JMJD7: variants seen among roughly 807,000 people sequenced by gnomAD.
The protein encoded by JMJD7 is jumonji domain containing 7, also known as bifunctional peptidase and (3S)-lysyl hydroxylase JMJD7.
In JMJD7, 41 loss-of-function variants were observed where a neutral mutation model predicts 41.1. That is an observed-to-expected ratio of 1.00 (90% CI 0.78 to 1.30). The LOEUF is 1.30. Ranked by LOEUF, JMJD7 falls within the 50% of genes most tolerant of loss-of-function variation. The probability of loss-of-function intolerance (pLI) is 0.00; values close to 1 mark genes in which losing one functional copy is unlikely to be tolerated. For missense variants in JMJD7, 480 were observed against 420.7 expected (o/e 1.14, Z -1.23); for synonymous variants, 202 against 177.2 (o/e 1.14, Z -1.11).
In JMJD7 at chr15:41,835,160, A is replaced by G; in HGVS notation, c.409A>G (p.Ser137Gly). The G allele has an allele frequency of 6.2e-7, 1 of 1,605,514 alleles. No homozygotes were observed. Among genetic ancestry groups the G allele is most frequent in the Non-Finnish European group, 8.5e-7 (1 of 1,179,960 alleles). Residue 137 changes from serine (S) to glycine (G), a missense_variant, in exon 3 of 8, where the codon AGC (serine) becomes GGC (glycine). Ser to Gly is a moderately conservative substitution (Grantham distance 56, BLOSUM62 0). Transcript: ENST00000397299. ...YVQKQCSNLP[S>G]ELPQLLPDLE... is the part of the protein sequence containing the mutation. ...GCAGAAGCAGTGCTCCAACCTGCCC[A>G]GCGAGCTGCCCCAGCTGCTGCCTGA...
chr15:41,829,154 G>A (rs1402832653), intron 1 of JMJD7: 5 of 152,254 alleles, frequency 3.3e-5, no homozygotes. Context: ...AACCACAGGT[G>A]TACTGAATGA....
In JMJD7 at chr15:41,835,106, C is replaced by T. The variant is rs756440690; in HGVS notation, c.355C>T (p.Arg119Trp). The T allele has an allele frequency of 6.2e-6, 10 of 1,612,740 alleles. No individual in the cohort carries two copies. The highest frequency in any genetic ancestry group is 1.6e-4 in the Middle Eastern group (1 of 6,080). Residue 119 changes from arginine (R) to tryptophan (W), a missense_variant, in exon 3 of 8, where the codon CGG becomes TGG. Physicochemically the swap from Arg to Trp is moderately radical, Grantham distance 101 (BLOSUM62 -3). Coordinates refer to ENST00000397299, the MANE Select transcript of JMJD7 (RefSeq NM_001114632.2). ...LSFVLDVLEG[R>W]AQHPGVLYVQ... ...CTTCGTGCTGGATGTGCTGGAGGGC[C>T]GGGCCCAGCACCCTGGAGTCCTCTA...
At chr15:41,829,199 T>C (rs1191778491) in intron 1 of JMJD7, 1 of 152,196 alleles carries the variant, frequency 6.6e-6, no homozygotes, top group East Asian at 1.9e-4. Flanking sequence ...GGTTAGAAGG[T>C]AAGTGCAGGC....
In JMJD7 at chr15:41,837,433, G is replaced by A. The variant is rs995421143; in HGVS notation, c.*277G>A. 2.2e-5 allele frequency: 11 copies of A among 502,850 alleles called. No individual in the cohort carries two copies. Among genetic ancestry groups the A allele is most frequent in the Admixed American group, 3.7e-5 (1 of 26,718 alleles). 31.1% of individuals were successfully genotyped at this position (502,850 alleles called of 1,614,324 possible). A position where few individuals can be genotyped will look rare whatever the true frequency, so the allele number is the denominator to read the frequency against. ...TCTCCCCAGCGCTGTGATGTTGGGC[G>A]AGTCACTGCGTCTCGGGCATTGGTG... On this transcript the variant is annotated 3_prime_UTR_variant, in exon 8 of 8. Coordinates refer to ENST00000397299, the MANE Select transcript of JMJD7 (RefSeq NM_001114632.2).
chr15:41,835,374 C>T (rs117950630), intron 3 of JMJD7, 151 bp downstream of exon 3: 2 of 1,354,242 alleles, frequency 1.5e-6, no homozygotes. Flanking sequence ...CAGGCCTTGA[C>T]TTAATCATAG....
intron 1 of JMJD7, among the ~76,000 whole-genome samples, chr15:41,834,141 C>T (rs1364461777): frequency 1.3e-5 from 2 of 152,208 alleles, no homozygotes; most frequent in Non-Finnish European, 2.9e-5. Flanking sequence ...CAAACCATAG[C>T]CGAGCCCTTC....
intron 1 of JMJD7, among the ~76,000 whole-genome samples, chr15:41,833,619 C>T (rs899719275): frequency 1.3e-5 from 2 of 151,194 alleles, no homozygotes; most frequent in Admixed American, 1.3e-4. Flanking sequence ...TGGGGTCTCC[C>T]TACGTTGCCA....
At position 41,837,124 on chromosome 15, in the gene JMJD7, G is replaced by T; in HGVS notation, c.919G>T (p.Asp307Tyr). Reference sequence around the variant, plus strand: ...CAAGTATAGTTACTTCCAGCTGCTCGACTCCCTCACCAAGGCTTCAGGCCT... The same window carrying T: ...CAAGTATAGTTACTTCCAGCTGCTCTACTCCCTCACCAAGGCTTCAGGCCT... ...DLKYSYFQLL[D>Y]SLTKASGLD Residue 307 changes from aspartate to tyrosine, a missense_variant, in exon 8 of 8, where the codon GAC (aspartate) becomes TAC (tyrosine). Physicochemically the swap from Asp to Tyr is radical, Grantham distance 160. Coordinates refer to ENST00000397299, the MANE Select transcript of JMJD7 (RefSeq NM_001114632.2). The T allele has an allele frequency of 1.2e-6, 2 of 1,613,190 alleles. No individual in the cohort carries two copies. The highest frequency in any genetic ancestry group is 1.7e-6 in the Non-Finnish European group (2 of 1,179,524).
rs933067560 is a variant in JMJD7 at position 41,836,537 on chromosome 15, G to A, written c.688G>A (p.Glu230Lys). ...EEGTFKVVDEEAMEKVPWIPL... is the reference protein window; with the variant it reads ...EEGTFKVVDEKAMEKVPWIPL... ...GGGCACCTTTAAGGTGGTGGATGAA[G>A]AGGCCATGGAGAAGGTGTCTGTCCT... Residue 230 changes from glutamate to lysine, a missense_variant, in exon 6 of 8, where the codon GAG (glutamate) becomes AAG (lysine). Coordinates refer to ENST00000397299, the MANE Select transcript of JMJD7 (RefSeq NM_001114632.2). 12 of 1,586,648 alleles carry A rather than the reference G, an allele frequency of 7.6e-6. No individual in the cohort carries two copies. The highest frequency in any genetic ancestry group is 1.7e-4 in the Middle Eastern group (1 of 6,050).
Position 41,835,303 on chromosome 15 carries a change from G to C in JMJD7, c.472+80G>C, listed in dbSNP as rs1596114587. 4.6e-6 allele frequency: 7 copies of C among 1,517,296 alleles called. No individual in the cohort carries two copies. In the East Asian group the frequency reaches 1.7e-4, roughly 36 times the overall value. 94.0% of individuals were successfully genotyped at this position (1,517,296 alleles called of 1,614,324 possible). A position where few individuals can be genotyped will look rare whatever the true frequency, so the allele number is the denominator to read the frequency against. On this transcript the variant is annotated intron_variant, in intron 3 of 7. Coordinates refer to ENST00000397299, the MANE Select transcript of JMJD7 (RefSeq NM_001114632.2). ...GGGGTCAGCCTGTTTGCCCTTAGGT[G>C]ATGACCTGGCCTATGGGCTTGGTCC...
At chr15:41,830,981 G>A (rs1246381996) in intron 1 of JMJD7, among the ~76,000 whole-genome samples, 1 of 152,236 alleles carries the variant, frequency 6.6e-6, no homozygotes, top group African/African-American at 2.4e-5. Flanking sequence ...CTGGGTGGAA[G>A]GTGGCGGGTC....
chr15:41,836,269 G>A, intron 5 of JMJD7, 26 bp downstream of exon 5: 1 of 1,611,832 alleles, frequency 6.2e-7, no homozygotes, highest in Non-Finnish European at 8.5e-7. Context: ...TGCAGGGAGG[G>A]GCTGGGGAAC....
At position 41,837,448 on chromosome 15, in the gene JMJD7, G is replaced by T. The variant is rs1034633111; in HGVS notation, c.*292G>T. 1 of 481,448 alleles carries T rather than the reference G, an allele frequency of 2.1e-6. No homozygotes were observed. Among genetic ancestry groups the T allele is most frequent in the Non-Finnish European group, 3.7e-6 (1 of 270,022 alleles). 29.8% of individuals were successfully genotyped at this position (481,448 alleles called of 1,614,324 possible). A position where few individuals can be genotyped will look rare whatever the true frequency, so the allele number is the denominator to read the frequency against. On this transcript the variant is annotated 3_prime_UTR_variant, in exon 8 of 8. Transcript: ENST00000397299. ...GATGTTGGGCGAGTCACTGCGTCTC[G>T]GGCATTGGTGTCCTGTCAGTAAAGA...
Position 41,837,185 on chromosome 15 carries a change from G to T in JMJD7, c.*29G>T, listed in dbSNP as rs762577996. Reference sequence around the variant, plus strand: ...AGCACTGGTGAACACCACCAAGCACGCCTCGGGGGACGGAGCCAGCCCCTC... The same window carrying T: ...AGCACTGGTGAACACCACCAAGCACTCCTCGGGGGACGGAGCCAGCCCCTC... On this transcript the variant is annotated 3_prime_UTR_variant, in exon 8 of 8. Coordinates refer to ENST00000397299, the MANE Select transcript of JMJD7 (RefSeq NM_001114632.2). The T allele has an allele frequency of 4.2e-5, 64 of 1,517,228 alleles. No individual in the cohort carries two copies. Among genetic ancestry groups the T allele is most frequent in the Non-Finnish European group, 5.5e-5 (61 of 1,100,652 alleles). The allele number at this position is 1,517,228 out of a possible 1,614,324, so 94.0% of individuals were successfully genotyped here. A position where few individuals can be genotyped will look rare whatever the true frequency, so the allele number is the denominator to read the frequency against.
intron 1 of JMJD7, among the ~76,000 whole-genome samples, chr15:41,834,405 T>A (rs2065278099): frequency 6.6e-6 from 1 of 152,204 alleles, no homozygotes; most frequent in African/African-American, 2.4e-5. Flanking sequence ...CATGGTGGCC[T>A]TTCCTGGTAG....
At chr15:41,832,157 C>T (rs1200971158) in intron 1 of JMJD7, among the ~76,000 whole-genome samples, 3 of 152,218 alleles carry the variant, frequency 2.0e-5, no homozygotes, top group Admixed American at 2.0e-4. Flanking sequence ...CCACCGCAGC[C>T]CACATGCCTA....
intron 1 of JMJD7, among the ~76,000 whole-genome samples, chr15:41,831,278 A>G (rs2065226544): frequency 6.6e-6 from 1 of 152,114 alleles, no homozygotes; most frequent in South Asian, 2.1e-4. Context: ...TACTCTAGCC[A>G]GGGAAGCAAG....
chr15:41,832,216 G>A (rs373494387), intron 1 of JMJD7, among the ~76,000 whole-genome samples: 20 of 152,272 alleles, frequency 1.3e-4, no homozygotes, highest in African/African-American at 4.6e-4. Flanking sequence ...CACACCCCTC[G>A]CTGCCCCACT....
intron 1 of JMJD7, among the ~76,000 whole-genome samples, chr15:41,830,279 C>T (rs1343187960): frequency 1.3e-5 from 2 of 152,204 alleles, no homozygotes; most frequent in Non-Finnish European, 2.9e-5. Context: ...AAAATACTCA[C>T]ACATGTGCAC....
Sources: allele counts gnomAD v4.1 joint callset (sites outside exome capture counted in the v4.1 genomes callset), GRCh38; gene constraint gnomAD v4.1.1; transcripts MANE v1.5; gene names NCBI Gene and HGNC (gene_info 2026-07-23, HGNC 2026-07-21).